LMNTD1: variants seen among roughly 807,000 people sequenced by gnomAD.
LMNTD1 encodes lamin tail domain containing 1.
LMNTD1 carries 35 observed loss-of-function variants against 50.9 expected under a neutral mutation model. The observed-to-expected ratio is 0.69, with a 90% CI of 0.53 to 0.91. LMNTD1 has a LOEUF of 0.91. Among genes scored for constraint, LMNTD1 ranks in the 40% least tolerant of loss-of-function variants. LMNTD1 has a pLI of 0.00. For missense variants in LMNTD1, 470 were observed against 475.5 expected (o/e 0.99, Z 0.11); for synonymous variants, 153 against 161.9 (o/e 0.94, Z 0.42).
At chr12:25,571,759 T>G (rs1261875917) in intron 1 of LMNTD1, among the ~76,000 whole-genome samples, 2 of 152,132 alleles carry the variant, frequency 1.3e-5, no homozygotes, top group Non-Finnish European at 2.9e-5. Flanking sequence ...AAGCTCTGCC[T>G]CCCGGGTTCA....
Position 25,610,870 on chromosome 12 carries a change from G to C in LMNTD1, c.58+37624C>G, listed in dbSNP as rs182556448. Among the ~76,000 whole-genome samples the C allele has an allele frequency of 1.5e-3, 231 of 152,264 alleles. 2 individuals carry two copies. Among genetic ancestry groups the C allele is most frequent in the Non-Finnish European group, 2.4e-3 (161 of 68,004 alleles). On this transcript the variant is annotated intron_variant, in intron 1 of 7. Coordinates refer to the LMNTD1 transcript ENST00000445693. ...CAGAAGAAGGTGTTGGGTTTGGTTT[G>C]GGCATAAGAAATTTGAGAGGACAGC...
intron 4 of LMNTD1, among the ~76,000 whole-genome samples, chr12:25,542,034 A>C (rs1943115477): frequency 6.6e-6 from 1 of 151,790 alleles, no homozygotes; most frequent in Admixed American, 6.6e-5. Flanking sequence ...ACCATCTCAC[A>C]CCAGTTAGAA....
At chr12:25,577,748 C>A (rs1039920) in intron 1 of LMNTD1, among the ~76,000 whole-genome samples, 25,297 of 152,142 alleles carry the variant, frequency 0.17, 2,510 homozygotes, top group East Asian at 0.35. Flanking sequence ...GAGAGGGCAT[C>A]CTTGTCTTGT....
intron 3 of LMNTD1, among the ~76,000 whole-genome samples, chr12:25,548,660 T>C (rs1943570141): frequency 6.6e-6 from 1 of 151,942 alleles, no homozygotes; most frequent in Admixed American, 6.6e-5. Context: ...GTCCTGTGTT[T>C]CAAAGGATGA....
intron 1 of LMNTD1, chr12:25,592,369 T>A (rs1263922758): frequency 6.6e-6 from 1 of 151,524 alleles, no homozygotes; most frequent in Admixed American, 6.6e-5. Context: ...CCTGCAGGAG[T>A]CAGGAGACAC....
intron 1 of LMNTD1, among the ~76,000 whole-genome samples, chr12:25,631,625 C>T (rs1019645590): frequency 3.3e-5 from 5 of 152,106 alleles, no homozygotes; most frequent in East Asian, 1.9e-4. Flanking sequence ...GGGAACACCC[C>T]GTGGGACAAA....
rs139880043 is a variant in LMNTD1, at chr12:25,615,501, G to A, written c.58+32993C>T. 9.4e-3 allele frequency among the ~76,000 whole-genome samples: 1,403 copies of A among 149,810 alleles called. 9 individuals are homozygous for A. Among genetic ancestry groups the A allele is most frequent in the Middle Eastern group, 0.031 (9 of 288 alleles). ...CATGGTCTCACTCTTTACTCTTGTC[G>A]CCCAGGTTGCAGTAGAGTGGCATGA... On this transcript the variant is annotated intron_variant, in intron 1 of 7. Transcript: ENST00000445693.
rs372758689 is a variant in LMNTD1 at position 25,552,885 on chromosome 12, A to C, written c.75T>G (p.Asn25Lys). The C allele has an allele frequency of 3.4e-5, 53 of 1,547,916 alleles. No individual in the cohort carries two copies. The highest frequency in any genetic ancestry group is 4.3e-5 in the Non-Finnish European group (49 of 1,143,534). ...QNKVHEQEDKNEKQKQREDKL... is the reference protein window; with the variant it reads ...QNKVHEQEDKKEKQKQREDKL... ...TGCATGCTCACTGTTTTTGTTTCTC[A>C]TTCTTATCTTCCTGCTCATGGACTT... The change falls in exon 2 of 10, where the codon AAT (asparagine) becomes AAG (lysine). Residue 25 changes from asparagine (N) to lysine (K), a missense_variant. Asn to Lys is a moderately conservative substitution (Grantham distance 94). Transcript: ENST00000458174.
chr12:25,501,402 ACTC>A (rs1939382436), intron 9 of LMNTD1, among the ~76,000 whole-genome samples: 1 of 151,882 alleles, frequency 6.6e-6, no homozygotes, highest in East Asian at 1.9e-4. Flanking sequence ...GTGGTAGCCC[ACTC>A]CTCCTTTTGT....
At chr12:25,552,490 T>C (rs1363914759) in intron 2 of LMNTD1, among the ~76,000 whole-genome samples, 1 of 147,798 alleles carries the variant, frequency 6.8e-6, no homozygotes, top group Admixed American at 7.0e-5. Context: ...CCTGTAGTCC[T>C]AGCTACTCCG....
chr12:25,648,000 A>G (rs543804795), intron 1 of LMNTD1, among the ~76,000 whole-genome samples: 11 of 151,910 alleles, frequency 7.2e-5, no homozygotes, highest in African/African-American at 2.4e-4. Flanking sequence ...CTATATTACT[A>G]TTATTATTAC....
chr12:25,511,025 G>A (rs1328869254), intron 8 of LMNTD1, among the ~76,000 whole-genome samples: 1 of 152,166 alleles, frequency 6.6e-6, no homozygotes, highest in Admixed American at 6.5e-5. Context: ...TTTGGAGATA[G>A]TGACATATAA....
chr12:25,548,994 GA>G (rs1943595505), intron 3 of LMNTD1, among the ~76,000 whole-genome samples: 1 of 151,956 alleles, frequency 6.6e-6, no homozygotes, highest in Admixed American at 6.6e-5. Context: ...GTGTTCAGAG[GA>G]AGGGCAGTTA....
At chr12:25,555,468 A>G (rs1341988766), upstream of LMNTD1, among the ~76,000 whole-genome samples, 2 of 152,236 alleles carry the variant, frequency 1.3e-5, no homozygotes, top group Non-Finnish European at 2.9e-5. Context: ...ATTTGTGGAT[A>G]TAACATATCC....
chr12:25,502,890 C>A (rs1157160128), intron 9 of LMNTD1: 1 of 152,166 alleles, frequency 6.6e-6, no homozygotes, highest in Non-Finnish European at 1.5e-5. Context: ...CTTGTGCATA[C>A]ATGAGGAGAG....
intron 1 of LMNTD1, among the ~76,000 whole-genome samples, chr12:25,603,662 C>T (rs998564942): frequency 6.6e-6 from 1 of 151,928 alleles, no homozygotes. Flanking sequence ...AATACAGAGA[C>T]GATTCCTGTC....
intron 1 of LMNTD1, among the ~76,000 whole-genome samples, chr12:25,601,514 C>T (rs556429704): frequency 6.6e-6 from 1 of 151,824 alleles, no homozygotes; most frequent in Admixed American, 6.6e-5. Context: ...GATGGATACC[C>T]CATTTTACAT....
At chr12:25,539,641 A>G (rs957770502) in intron 4 of LMNTD1, among the ~76,000 whole-genome samples, 1 of 151,676 alleles carries the variant, frequency 6.6e-6, no homozygotes, top group Non-Finnish European at 1.5e-5. Context: ...CAAAATTGAT[A>G]CCCTAACATC....
intron 1 of LMNTD1, among the ~76,000 whole-genome samples, chr12:25,582,875 TCTCA>T (rs1945354879): frequency 6.6e-6 from 1 of 152,182 alleles, no homozygotes; most frequent in Non-Finnish European, 1.5e-5. Flanking sequence ...TGAGAGTAGG[TCTCA>T]CTCTGTTGTC....
Sources: gnomAD v4.1 joint callset for allele counts (sites outside exome capture counted in the v4.1 genomes callset) on GRCh38, gnomAD v4.1.1 for gene constraint, MANE v1.5 for transcripts, NCBI Gene and HGNC (gene_info 2026-07-23, HGNC 2026-07-21) for gene names.